PTK2B: variants seen among roughly 807,000 people sequenced by gnomAD.
PTK2B encodes the protein protein-tyrosine kinase 2-beta.
In PTK2B, 71 loss-of-function variants were observed where a neutral mutation model predicts 142.9. The ratio of observed to expected loss-of-function variants is 0.50; its 90% CI spans 0.41 to 0.61. PTK2B has a LOEUF of 0.61. Among genes scored for constraint, PTK2B ranks in the 20% least tolerant of loss-of-function variants. The pLI is 0.00. For synonymous variants in PTK2B, 519 were observed against 503.4 expected (o/e 1.03, Z -0.42); for missense variants, 1,105 against 1,320.4 (o/e 0.84, Z 2.53).
chr8:27,341,053 C>A (rs371655020), intron 1 of PTK2B, among the ~76,000 whole-genome samples: 2 of 152,108 alleles, frequency 1.3e-5, no homozygotes, highest in East Asian at 1.9e-4. Context: ...TTTGCCCCAA[C>A]AATTGGGCTC....
At chr8:27,450,552 G>T (rs891224301) in intron 24 of PTK2B, among the ~76,000 whole-genome samples, 197 bp from the exon 25 acceptor site, 1 of 152,140 alleles carries the variant, frequency 6.6e-6, no homozygotes, top group Non-Finnish European at 1.5e-5. Context: ...ACATTGCAAC[G>T]CAGATACATG....
At chr8:27,347,423 A>G (rs1804782226) in intron 1 of PTK2B, among the ~76,000 whole-genome samples, 1 of 152,182 alleles carries the variant, frequency 6.6e-6, no homozygotes, top group African/African-American at 2.4e-5. Context: ...AACTGTCATC[A>G]GAAAGTACCA....
chr8:27,415,736 G>T (rs991741940), intron 2 of PTK2B, among the ~76,000 whole-genome samples: 6 of 152,230 alleles, frequency 3.9e-5, no homozygotes, highest in African/African-American at 1.4e-4. Context: ...AGAAAATCAT[G>T]GAGAGAGTAA....
intron 1 of PTK2B, among the ~76,000 whole-genome samples, chr8:27,338,971 C>T (rs1366651893): frequency 6.6e-6 from 1 of 152,202 alleles, no homozygotes; most frequent in Non-Finnish European, 1.5e-5. Context: ...TTCTAATCCC[C>T]ACTTAGTAAA....
At chr8:27,430,530 C>G in intron 7 of PTK2B, 112 bp downstream of exon 7, 4 of 1,411,898 alleles carry the variant, frequency 2.8e-6, no homozygotes, top group Non-Finnish European at 4.0e-6. Flanking sequence ...TGCGCGGCCT[C>G]GGGCATTTGG....
Position 27,326,226 on chromosome 8 carries a change from A to ATGTG in PTK2B, c.-38+577_-38+580dup, listed in dbSNP as rs4054914. On this transcript the variant is annotated intron_variant, in intron 1 of 30. Transcript: ENST00000346049. ...CTGGGGCACAGGGGAGCTCGTGTGT[A>ATGTG]TGTGTGTGTGTGTGTGTGTGTGTGT... Among the ~76,000 whole-genome samples, 1,226 of 146,794 alleles carry ATGTG rather than the reference A, an allele frequency of 8.4e-3. 8 individuals carry two copies. The highest frequency in any genetic ancestry group is 0.013 in the African/African-American group (502 of 39,818).
intron 20 of PTK2B, among the ~76,000 whole-genome samples, chr8:27,439,906 G>T (rs1811049623): frequency 6.6e-6 from 1 of 152,154 alleles, no homozygotes; most frequent in East Asian, 1.9e-4. Flanking sequence ...TTGGTGCGAG[G>T]CTTCCATTTC....
At chr8:27,386,428 C>T (rs569291137) in intron 1 of PTK2B, among the ~76,000 whole-genome samples, 2 of 152,244 alleles carry the variant, frequency 1.3e-5, no homozygotes, top group African/African-American at 2.4e-5. Context: ...CATTTCAAGT[C>T]CATGAACATA....
Position 27,384,339 on chromosome 8 carries a change from T to C in PTK2B, c.-37-13209T>C, listed in dbSNP as rs79590612. 3.2e-3 allele frequency among the ~76,000 whole-genome samples: 489 copies of C among 152,348 alleles called. 10 individuals carry two copies. In the East Asian group the frequency reaches 0.036, roughly 11 times the overall value. On this transcript the variant is annotated intron_variant, in intron 1 of 30. Coordinates refer to ENST00000346049, the MANE Select transcript of PTK2B (RefSeq NM_173176.3). The stretch of plus-strand genomic sequence containing the variant: ...TATTTTTTAGCTAGTTGGTTATAAG[T>C]ATACAGAACTGGTTTTTATATGTTG...
intron 1 of PTK2B, among the ~76,000 whole-genome samples, chr8:27,362,208 C>G (rs1805750105): frequency 6.6e-6 from 1 of 152,198 alleles, no homozygotes; most frequent in Non-Finnish European, 1.5e-5. Flanking sequence ...GTTAGAGCCT[C>G]AGGGCAGCAC....
At chr8:27,443,233 T>TTC (rs1461962803) in intron 22 of PTK2B, among the ~76,000 whole-genome samples, 1 of 152,232 alleles carries the variant, frequency 6.6e-6, no homozygotes, top group Non-Finnish European at 1.5e-5. Flanking sequence ...GGGGCTGGGC[T>TTC]TCTCTTCTAG....
At chr8:27,440,901 C>G (rs2132245433) in intron 21 of PTK2B, among the ~76,000 whole-genome samples, 4 of 152,210 alleles carry the variant, frequency 2.6e-5, no homozygotes, top group Admixed American at 2.6e-4. Flanking sequence ...GGATAAGGGA[C>G]CTGAGGGCCC....
chr8:27,405,035 CCT>C lies in PTK2B; in HGVS notation c.204+7280_204+7281del, dbSNP rs3076734. ...CTCCCTCCCTTCCTCTCTTTCTCTT[CCT>C]CTCTCTCTCTCTCTCTCTCTCTCTC... On this transcript the variant is annotated intron_variant, in intron 2 of 30. Transcript: ENST00000346049. 8.9e-3 allele frequency among the ~76,000 whole-genome samples: 1,062 copies of C among 119,520 alleles called. 17 individuals carry two copies. The highest frequency in any genetic ancestry group is 0.025 in the African/African-American group (717 of 28,936). 78.4% of individuals were successfully genotyped at this position (119,520 alleles called of 152,430 possible).
intron 11 of PTK2B, 81 bp from the exon 12 acceptor site, chr8:27,434,012 T>C (rs1324919658): frequency 7.3e-6 from 11 of 1,503,314 alleles, no homozygotes; most frequent in South Asian, 1.1e-5. Flanking sequence ...GAGTCCCTTG[T>C]AGGAATAGTG....
At chr8:27,395,734 G>T (rs1808005599) in intron 1 of PTK2B, among the ~76,000 whole-genome samples, 1 of 152,146 alleles carries the variant, frequency 6.6e-6, no homozygotes. Context: ...GTTCCCAGTA[G>T]GATTAAACTG....
At chr8:27,454,449 C>A (rs1812020047) in intron 29 of PTK2B, 82 bp from the exon 30 acceptor site, 6 of 1,563,576 alleles carry the variant, frequency 3.8e-6, no homozygotes, top group Admixed American at 3.4e-5. Context: ...CAAGCACCAC[C>A]CCAGGAGAGC....
rs1352044468 is a variant in PTK2B, at chr8:27,350,987, AAAAATATATATATATATAT to A, written c.-38+25308_-38+25326del. 4.1e-4 allele frequency among the ~76,000 whole-genome samples: 7 copies of A among 17,156 alleles called. 1 individual carries two copies. Among genetic ancestry groups the A allele is most frequent in the East Asian group, 2.5e-3 (3 of 1,196 alleles). 11.3% of individuals were successfully genotyped at this position (17,156 alleles called of 152,430 possible). A position where few individuals can be genotyped will look rare whatever the true frequency, so the allele number is the denominator to read the frequency against. ...AAAGTCTCCGTCTCAAAAAAAAAAAAAAAATATATATATATATATATATATATATATATATATATATATA... is the reference window on the plus strand; with the variant it reads ...AAAGTCTCCGTCTCAAAAAAAAAAAAATATATATATATATATATATATATA... On this transcript the variant is annotated intron_variant, in intron 1 of 30. Coordinates refer to ENST00000346049, the MANE Select transcript of PTK2B (RefSeq NM_173176.3).
rs73681122 is a variant in PTK2B, at chr8:27,429,722, A to T, written c.552-371A>T. ...AGCAAATAAGTGAAAAGGAAATCAC[A>T]AGAGCCCCCCAGGACCTGCAGGTGA... On this transcript the variant is annotated intron_variant, in intron 5 of 30. Transcript: ENST00000346049. Among the ~76,000 whole-genome samples the T allele has an allele frequency of 3.7e-3, 563 of 152,330 alleles. 7 individuals carry two copies. Among genetic ancestry groups the T allele is most frequent in the African/African-American group, 0.013 (540 of 41,580 alleles).
chr8:27,348,128 C>G (rs1232445387), intron 1 of PTK2B, among the ~76,000 whole-genome samples: 2 of 152,196 alleles, frequency 1.3e-5, no homozygotes, highest in East Asian at 3.8e-4. Context: ...AAAATGAGAA[C>G]TGAGTAACAT....
Sources: gnomAD v4.1 joint callset for allele counts (sites outside exome capture counted in the v4.1 genomes callset) on GRCh38, gnomAD v4.1.1 for gene constraint, MANE v1.5 for transcripts, NCBI Gene and HGNC (gene_info 2026-07-23, HGNC 2026-07-21) for gene names.